The following CDH18 variants were observed in gnomAD, a reference collection of about 807,000 sequenced individuals.
The protein encoded by CDH18 is cadherin 18.
Under a neutral mutation model 67.9 loss-of-function variants are expected in CDH18, and 31 were observed. The ratio of observed to expected loss-of-function variants is 0.46; its 90% CI spans 0.34 to 0.62. The LOEUF is 0.62. Ranked by LOEUF, CDH18 falls within the 20% of genes least tolerant of loss-of-function variation. The probability of loss-of-function intolerance (pLI) is 0.01; values close to 1 mark genes in which losing one functional copy is unlikely to be tolerated. For synonymous variants in CDH18, 362 were observed against 347.2 expected (o/e 1.04, Z -0.48); for missense variants, 890 against 975.5 (o/e 0.91, Z 1.17).
At chr5:20,378,056 C>A (rs938809533) in intron 1 of CDH18, among the ~76,000 whole-genome samples, 1 of 152,282 alleles carries the variant, frequency 6.6e-6, no homozygotes, top group Middle Eastern at 3.4e-3. Flanking sequence ...TACATCAGAA[C>A]GTGAGGTGTT....
At chr5:19,589,641 T>C (rs1379595864) in intron 7 of CDH18, among the ~76,000 whole-genome samples, 2 of 152,100 alleles carry the variant, frequency 1.3e-5, no homozygotes, top group African/African-American at 2.4e-5. Flanking sequence ...ATCAGAAATC[T>C]TGACATCAAA....
At chr5:20,408,370 AT>A (rs1297882005) in intron 1 of CDH18, among the ~76,000 whole-genome samples, 2 of 152,028 alleles carry the variant, frequency 1.3e-5, no homozygotes, top group South Asian at 2.1e-4. Flanking sequence ...AGAATAATGC[AT>A]TTTTTTAATC....
At chr5:20,404,828 A>G (rs1746086900) in intron 1 of CDH18, among the ~76,000 whole-genome samples, 1 of 152,156 alleles carries the variant, frequency 6.6e-6, no homozygotes, top group South Asian at 2.1e-4. Context: ...TTACATTTGT[A>G]AAAGAGCAAT....
chr5:19,477,781 CAATAT>C (rs1738737617), intron 12 of CDH18, among the ~76,000 whole-genome samples: 1 of 151,740 alleles, frequency 6.6e-6, no homozygotes, highest in African/African-American at 2.4e-5. Flanking sequence ...TGGTAAAATA[CAATAT>C]GAGAGAACCA....
intron 5 of CDH18, among the ~76,000 whole-genome samples, chr5:19,657,104 G>T (rs994111415): frequency 6.6e-6 from 1 of 152,030 alleles, no homozygotes; most frequent in African/African-American, 2.4e-5. Context: ...ATCATTTCTT[G>T]TAACATTTAT....
At chr5:19,745,675 C>G (rs940077825) in intron 4 of CDH18, among the ~76,000 whole-genome samples, 2 of 152,138 alleles carry the variant, frequency 1.3e-5, no homozygotes, top group African/African-American at 4.8e-5. Context: ...CGACAGTATT[C>G]TGGGCCTCTC....
chr5:19,765,884 T>TC (rs1016505539), intron 3 of CDH18, among the ~76,000 whole-genome samples: 1 of 151,162 alleles, frequency 6.6e-6, no homozygotes, highest in East Asian at 1.9e-4. Context: ...AAAAAACATT[T>TC]TTTTTTTTCT....
chr5:20,105,786 C>T (rs1405145532), intron 2 of CDH18, among the ~76,000 whole-genome samples: 2 of 152,184 alleles, frequency 1.3e-5, no homozygotes, highest in Admixed American at 6.5e-5. Flanking sequence ...CCATTGTATG[C>T]ATATGCTACA....
At chr5:20,174,524 G>A (rs1386876849) in intron 2 of CDH18, among the ~76,000 whole-genome samples, 7 of 152,144 alleles carry the variant, frequency 4.6e-5, no homozygotes, top group Non-Finnish European at 8.8e-5. Context: ...GAAATAATTA[G>A]AAACAACCAA....
chr5:19,905,555 C>G (rs1790440872), intron 2 of CDH18, among the ~76,000 whole-genome samples: 1 of 151,720 alleles, frequency 6.6e-6, no homozygotes, highest in African/African-American at 2.4e-5. Context: ...TTTTTAAAAA[C>G]TTTCTTACCT....
At chr5:20,049,271 A>G (rs1741192560) in intron 2 of CDH18, among the ~76,000 whole-genome samples, 2 of 151,600 alleles carry the variant, frequency 1.3e-5, no homozygotes, top group Admixed American at 1.3e-4. Context: ...AGGATTCTCT[A>G]AGAACAGTAA....
chr5:19,602,548 A>T (rs1386487239), intron 6 of CDH18, among the ~76,000 whole-genome samples: 1 of 151,280 alleles, frequency 6.6e-6, no homozygotes, highest in African/African-American at 2.4e-5. Flanking sequence ...AATTAAAATT[A>T]AAAAAAAAGA....
intron 1 of CDH18, among the ~76,000 whole-genome samples, chr5:20,443,317 T>C (rs1749772235): frequency 6.6e-6 from 1 of 151,116 alleles, no homozygotes; most frequent in Non-Finnish European, 1.5e-5. Context: ...CTTTAAGAGA[T>C]ACATCCATCG....
intron 1 of CDH18, among the ~76,000 whole-genome samples, chr5:20,567,361 T>C (rs2471117): frequency 0.72 from 108,865 of 152,042 alleles, 39,904 homozygotes; most frequent in African/African-American, 0.85. Context: ...TTTAAACAAA[T>C]GACTTTGAAA....
chr5:19,954,776 T>C (rs757735764), intron 2 of CDH18, among the ~76,000 whole-genome samples: 1 of 151,656 alleles, frequency 6.6e-6, no homozygotes, highest in Non-Finnish European at 1.5e-5. Context: ...ACATACACAA[T>C]GCATTCACAA....
At chr5:20,391,346 C>A (rs1744839969) in intron 1 of CDH18, among the ~76,000 whole-genome samples, 1 of 151,754 alleles carries the variant, frequency 6.6e-6, no homozygotes, top group Admixed American at 6.6e-5. Context: ...GAACTTATTG[C>A]ATGGTCTTTA....
chr5:19,748,782 G>T (rs563657608), intron 3 of CDH18, among the ~76,000 whole-genome samples: 1 of 152,164 alleles, frequency 6.6e-6, no homozygotes, highest in African/African-American at 2.4e-5. Context: ...ATGAGAAAAA[G>T]ATTTTTTTTC....
intron 2 of CDH18, among the ~76,000 whole-genome samples, chr5:19,882,984 T>C (rs372768872): frequency 6.6e-6 from 1 of 152,152 alleles, no homozygotes; most frequent in Non-Finnish European, 1.5e-5. Flanking sequence ...GAATAATATA[T>C]GCTATTAAAT....
In CDH18 at chr5:20,094,873, A is replaced by G. The variant is rs1236467047; in HGVS notation, c.-517-102859T>C. Among the ~76,000 whole-genome samples the G allele has an allele frequency of 2.6e-5, 4 of 152,180 alleles. No homozygotes were observed. In the East Asian group the frequency reaches 7.7e-4, roughly 29 times the overall value. On this transcript the variant is annotated intron_variant, in intron 2 of 14. Coordinates refer to the CDH18 transcript ENST00000507958. ...CACGCACACATATATTTACTGCAGC[A>G]CTATTCACAATAGCAAAGACTTGGA... is the stretch of plus-strand genomic sequence containing the variant.
Sources: gnomAD v4.1 joint callset for allele counts (sites outside exome capture counted in the v4.1 genomes callset) on GRCh38, gnomAD v4.1.1 for gene constraint, MANE v1.5 for transcripts, NCBI Gene and HGNC (gene_info 2026-07-23, HGNC 2026-07-21) for gene names.